Variants in PRKCH observed in about 807,000 individuals in gnomAD.
PRKCH encodes protein kinase C eta.
A neutral mutation model predicts 82.5 loss-of-function variants in PRKCH; 28 were observed. That is an observed-to-expected ratio of 0.34 (90% CI 0.25 to 0.47). The LOEUF (loss-of-function observed/expected upper bound fraction) is 0.47. Ranked by LOEUF, PRKCH falls within the 20% of genes least tolerant of loss-of-function variation. The pLI, the probability that PRKCH is intolerant of heterozygous loss-of-function variation, is 1.00. For missense variants in PRKCH, 705 were observed against 881.8 expected, an observed-to-expected ratio of 0.80 and a Z score of 2.54; for synonymous variants, 322 against 327.4, an observed-to-expected ratio of 0.98 and a Z score of 0.18.
rs142681033 is a variant in PRKCH, at chr14:61,375,803, G to A, written c.364-15422G>A. Among the ~76,000 whole-genome samples, 18 of 151,992 alleles carry A rather than the reference G, an allele frequency of 1.2e-4. No homozygotes were observed. The East Asian group carries it at 2.9e-3, about 24-fold the overall frequency. ...TGAACACAGAGCCAAACCATACCAC[G>A]GGCAAAAATTGATTTTATAAGAAGT... On this transcript the variant is annotated intron_variant, in intron 1 of 13. Transcript: ENST00000332981.
intron 1 of PRKCH, among the ~76,000 whole-genome samples, chr14:61,206,185 A>C (rs1003854258): frequency 2.0e-5 from 3 of 152,222 alleles, no homozygotes; most frequent in Non-Finnish European, 2.9e-5. Flanking sequence ...ATTATGAAAA[A>C]CTTGGGGGCT....
intron 9 of PRKCH, among the ~76,000 whole-genome samples, chr14:61,479,233 CA>C (rs1453946344): frequency 6.6e-6 from 1 of 152,200 alleles, no homozygotes; most frequent in East Asian, 1.9e-4. Context: ...GTTTACACTG[CA>C]AAAGCAGTTT....
At chr14:61,520,074 C>CAAAAAAAAAAAAAAAAAA (rs71992585) in intron 10 of PRKCH, among the ~76,000 whole-genome samples, 2 of 97,430 alleles carry the variant, frequency 2.1e-5, no homozygotes, top group African/African-American at 3.3e-5. Context: ...CTACAGAAAC[C>CAAAAAAAAAAAAAAAAAA]AAAAAAAAAA....
chr14:61,307,544 T>C (rs2045492618), intron 1 of PRKCH, among the ~76,000 whole-genome samples: 1 of 152,210 alleles, frequency 6.6e-6, no homozygotes, highest in Non-Finnish European at 1.5e-5. Flanking sequence ...ACCCAGAGAA[T>C]GTGTAATAAA....
chr14:61,415,745 C>T (rs935336924), intron 2 of PRKCH, among the ~76,000 whole-genome samples: 7 of 152,168 alleles, frequency 4.6e-5, no homozygotes, highest in Non-Finnish European at 2.9e-5. Flanking sequence ...ATTAGGTACA[C>T]TCACATTATT....
Position 61,426,195 on chromosome 14 carries a change from G to C in PRKCH, c.428-16916G>C, listed in dbSNP as rs143755904. ...CCAGGTCTGTGGGAAGCAGTCCAAG[G>C]TGCAACCTGGAACACTTTCATTTGG... On this transcript the variant is annotated intron_variant, in intron 2 of 13. Transcript: ENST00000332981. 4.0e-4 allele frequency among the ~76,000 whole-genome samples: 61 copies of C among 152,282 alleles called. 1 individual carries two copies. The East Asian group carries it at 0.01, about 26-fold the overall frequency.
At position 61,280,791 on chromosome 14, in the gene PRKCH, C is replaced by T; in HGVS notation, c.-19+93123C>T. 6 of 1,558,326 alleles carry T rather than the reference C, an allele frequency of 3.9e-6. No individual in the cohort carries two copies. Among genetic ancestry groups the T allele is most frequent in the South Asian group, 3.6e-5 (3 of 83,260 alleles). On this transcript the variant is annotated intron_variant, in intron 1 of 3. Coordinates refer to the PRKCH transcript ENST00000555185. This position sits in a 1 kb window ranked among gnomAD's most constrained non-coding sequence, Gnocchi z 5.0. ...GGGACACGCCGTAGCGCCGGTTGTT[C>T]TGGTAGAAGTTGGTCAGCTCGTAGT... is the stretch of plus-strand genomic sequence containing the variant.
chr14:61,335,580 A>G (rs896533947), intron 1 of PRKCH, among the ~76,000 whole-genome samples: 1 of 152,206 alleles, frequency 6.6e-6, no homozygotes, highest in Non-Finnish European at 1.5e-5. Flanking sequence ...AATAAAAAAA[A>G]CCACAACCCC....
chr14:61,426,423 A>G (rs1187930936), intron 2 of PRKCH, among the ~76,000 whole-genome samples: 1 of 152,228 alleles, frequency 6.6e-6, no homozygotes, highest in African/African-American at 2.4e-5. Flanking sequence ...TAAAGTTTTC[A>G]GTTCACACTG....
chr14:61,259,201 A>G (rs1210475574), intron 1 of PRKCH, among the ~76,000 whole-genome samples: 1 of 152,172 alleles, frequency 6.6e-6, no homozygotes, highest in Non-Finnish European at 1.5e-5. Flanking sequence ...GTAACAAATG[A>G]CTAAGTACCA....
chr14:61,212,517 TAGG>T (rs907506576), intron 1 of PRKCH, among the ~76,000 whole-genome samples: 60 of 152,202 alleles, frequency 3.9e-4, no homozygotes, highest in Non-Finnish European at 1.0e-4. Context: ...TTTCAAGAAA[TAGG>T]AGGTTTTTCT....
At chr14:61,332,474 G>T (rs1391014781) in intron 1 of PRKCH, among the ~76,000 whole-genome samples, 1 of 152,196 alleles carries the variant, frequency 6.6e-6, no homozygotes, top group Non-Finnish European at 1.5e-5. Context: ...ATTATGTACT[G>T]CCTTCCCAAA....
At chr14:61,386,474 G>A (rs183660217) in intron 1 of PRKCH, among the ~76,000 whole-genome samples, 1 of 152,266 alleles carries the variant, frequency 6.6e-6, no homozygotes, top group Admixed American at 6.5e-5. Context: ...ATCCAGGAGA[G>A]ACTTCGAGAG....
At chr14:61,438,617 A>G (rs1188304309) in intron 2 of PRKCH, among the ~76,000 whole-genome samples, 2 of 152,174 alleles carry the variant, frequency 1.3e-5, no homozygotes, top group Admixed American at 6.6e-5. Flanking sequence ...TAAAGTTACA[A>G]CAGTTTACAG....
chr14:61,235,457 C>T (rs1045918214), intron 1 of PRKCH, among the ~76,000 whole-genome samples: 2 of 152,198 alleles, frequency 1.3e-5, no homozygotes, highest in African/African-American at 4.8e-5. Context: ...GACTATCAAA[C>T]AAAGAATTTG....
chr14:61,196,918 C>A (rs2044446147), intron 1 of PRKCH, among the ~76,000 whole-genome samples: 1 of 152,140 alleles, frequency 6.6e-6, no homozygotes, highest in Admixed American at 6.5e-5. Flanking sequence ...CACCTGCAGG[C>A]TTATTGCATC....
chr14:61,300,222 G>GT (rs2045438678), intron 1 of PRKCH, among the ~76,000 whole-genome samples: 1 of 32,722 alleles, frequency 3.1e-5, no homozygotes, highest in African/African-American at 4.6e-5. Flanking sequence ...TTTCTTTCTC[G>GT]GGTTTTGGAA....
intron 1 of PRKCH, among the ~76,000 whole-genome samples, chr14:61,189,521 T>C (rs2044393715): frequency 6.6e-6 from 1 of 151,394 alleles, no homozygotes; most frequent in Non-Finnish European, 1.5e-5. Context: ...TCTCTCTCTC[T>C]CCCCTTCCTC....
At chr14:61,516,890 GC>G (rs2139985118) in intron 10 of PRKCH, among the ~76,000 whole-genome samples, 1 of 152,236 alleles carries the variant, frequency 6.6e-6, no homozygotes, top group South Asian at 2.1e-4. Flanking sequence ...AGAGAACCAA[GC>G]AATATCATCT....
Sources: allele counts gnomAD v4.1 joint callset (sites outside exome capture counted in the v4.1 genomes callset), GRCh38; gene constraint gnomAD v4.1.1; non-coding constraint Gnocchi (gnomAD v3.1); transcripts MANE v1.5; gene names NCBI Gene and HGNC (gene_info 2026-07-23, HGNC 2026-07-21).